Variants in CCDC85A observed in about 807,000 individuals in gnomAD.
CCDC85A encodes coiled-coil domain containing 85A.
A neutral mutation model predicts 50.2 loss-of-function variants in CCDC85A; 38 were observed. The observed-to-expected ratio is 0.76, with a 90% CI of 0.58 to 0.99. CCDC85A has a LOEUF of 0.99. CCDC85A is among the 50% of genes least tolerant of loss of function. The probability of loss-of-function intolerance (pLI) is 0.00; values close to 1 mark genes in which losing one functional copy is unlikely to be tolerated. For synonymous variants in CCDC85A, 366 were observed against 301.4 expected, an observed-to-expected ratio of 1.21 and a Z score of -2.22; for missense variants, 820 against 742.0, an observed-to-expected ratio of 1.11 and a Z score of -1.22.
At chr2:56,372,554 T>C (rs1573364020) in intron 4 of CCDC85A, 76 bp downstream of exon 4, 2 of 1,369,990 alleles carry the variant, frequency 1.5e-6, no homozygotes, top group African/African-American at 1.5e-5. Context: ...GAAAAAGTTA[T>C]ACTGGGGGGT....
intron 2 of CCDC85A, among the ~76,000 whole-genome samples, chr2:56,337,877 C>T (rs1008510695): frequency 4.6e-5 from 7 of 151,896 alleles, no homozygotes; most frequent in Non-Finnish European, 1.0e-4. Context: ...CTCCGCCTCC[C>T]GGGTTCAAGC....
At chr2:56,297,387 A>T (rs982268336) in intron 2 of CCDC85A, among the ~76,000 whole-genome samples, 37 of 140,728 alleles carry the variant, frequency 2.6e-4, no homozygotes, top group Admixed American at 7.2e-4. Context: ...TAGTCTTTGT[A>T]CGAGCCTTTT....
rs907070809 is a variant in CCDC85A, at chr2:56,192,046, G to C, written c.277-431G>C. Among the ~76,000 whole-genome samples the C allele has an allele frequency of 2.0e-5, 3 of 152,156 alleles. No homozygotes were observed. The highest frequency in any genetic ancestry group is 1.3e-4 in the Admixed American group (2 of 15,272). ...CTGGTTGCTCCCTAACTACTGACCA[G>C]ATGAACTTGGACAAGTGAAGCTTTG... On this transcript the variant is annotated intron_variant, in intron 1 of 5. Transcript: ENST00000407595. This position sits in a 1 kb window ranked among gnomAD's most constrained non-coding sequence, Gnocchi z 4.7.
chr2:56,208,798 AG>A (rs1677060521), intron 2 of CCDC85A, among the ~76,000 whole-genome samples: 1 of 152,140 alleles, frequency 6.6e-6, no homozygotes, highest in African/African-American at 2.4e-5. Flanking sequence ...GATTTGTCTC[AG>A]GATGTTTCAT....
At chr2:56,339,898 T>C (rs1674272349) in intron 2 of CCDC85A, among the ~76,000 whole-genome samples, 1 of 152,230 alleles carries the variant, frequency 6.6e-6, no homozygotes, top group South Asian at 2.1e-4. Flanking sequence ...TTATGCTGCA[T>C]ACTTTTCCCC....
intron 2 of CCDC85A, among the ~76,000 whole-genome samples, chr2:56,242,551 C>G (rs1669308227): frequency 6.6e-6 from 1 of 152,116 alleles, no homozygotes; most frequent in African/African-American, 2.4e-5. Context: ...AAGGGAATGG[C>G]CTAAGCAATT....
chr2:56,264,477 C>T (rs1351546975), intron 2 of CCDC85A, among the ~76,000 whole-genome samples: 3 of 152,114 alleles, frequency 2.0e-5, no homozygotes, highest in African/African-American at 7.2e-5. Context: ...CCTGCAAATC[C>T]TTTCAGCTCT....
At chr2:56,319,767 G>A (rs1558639047) in intron 2 of CCDC85A, among the ~76,000 whole-genome samples, 2 of 152,044 alleles carry the variant, frequency 1.3e-5, no homozygotes, top group Non-Finnish European at 2.9e-5. Context: ...CCTGTGTAAT[G>A]TCTTGGAAAT....
chr2:56,326,268 A>G (rs114413862), intron 2 of CCDC85A, among the ~76,000 whole-genome samples: 1,899 of 152,260 alleles, frequency 0.012, 50 homozygotes, highest in African/African-American at 0.042. Context: ...AGGGATAAGA[A>G]TATTTGCCTC....
intron 5 of CCDC85A, among the ~76,000 whole-genome samples, chr2:56,377,753 T>C (rs1299666825): frequency 6.6e-6 from 1 of 152,032 alleles, no homozygotes; most frequent in Non-Finnish European, 1.5e-5. Context: ...CAGGGTGTGG[T>C]GGCAGGCACC....
intron 3 of CCDC85A, among the ~76,000 whole-genome samples, chr2:56,361,186 G>A (rs925397475): frequency 5.9e-5 from 9 of 152,054 alleles, no homozygotes; most frequent in Non-Finnish European, 1.3e-4. Flanking sequence ...CCCAGGAGGC[G>A]GAGCTTGCAG....
At position 56,184,777 on chromosome 2, in the gene CCDC85A, G is replaced by A. The variant is rs772974236; in HGVS notation, c.153G>A (p.Glu51=). 2 of 1,546,630 alleles carry A rather than the reference G, an allele frequency of 1.3e-6. No individual in the cohort carries two copies. The highest frequency in any genetic ancestry group is 3.9e-5 in the Admixed American group (2 of 50,942). ...DEELLQWSKE[E]LIRSLRRAEA... ...AGCTGCTGCAGTGGAGCAAGGAGGAGCTGATCCGCAGCCTGCGGCGCGCCG... is the reference window on the plus strand; with the variant it reads ...AGCTGCTGCAGTGGAGCAAGGAGGAACTGATCCGCAGCCTGCGGCGCGCCG... Residue 51 remains glutamate (E), a synonymous_variant, in exon 1 of 6, where the codon GAG becomes GAA. Transcript: ENST00000407595.
At chr2:56,326,757 G>A (rs1673492567) in intron 2 of CCDC85A, among the ~76,000 whole-genome samples, 1 of 151,906 alleles carries the variant, frequency 6.6e-6, no homozygotes, top group Admixed American at 6.6e-5. Flanking sequence ...ATAACTTTTT[G>A]ACTGTTTTTC....
At chr2:56,358,170 G>A (rs1335753986) in intron 3 of CCDC85A, among the ~76,000 whole-genome samples, 1 of 152,110 alleles carries the variant, frequency 6.6e-6, no homozygotes, top group African/African-American at 2.4e-5. Context: ...ACCACCATCA[G>A]CCAAAACAAA....
chr2:56,193,319 A>G lies in CCDC85A; in HGVS notation c.1119A>G (p.Lys373=). The G allele has an allele frequency of 6.2e-7, 1 of 1,613,506 alleles. No individual in the cohort carries two copies. The highest frequency in any genetic ancestry group is 8.5e-7 in the Non-Finnish European group (1 of 1,179,668). The change falls in exon 2 of 6, where the codon AAA becomes AAG. Residue 373 remains lysine, a synonymous_variant. Coordinates refer to ENST00000407595, the MANE Select transcript of CCDC85A (RefSeq NM_001080433.2). ...KQHYGGSPDH[K]HGGGSGGSGG... ...ATTATGGAGGGAGCCCTGATCACAA[A>G]CACGGAGGAGGCAGTGGAGGAAGTG...
At chr2:56,375,682 C>T (rs1233996894) in intron 4 of CCDC85A, 134 bp from the exon 5 acceptor site, 1 of 821,334 alleles carries the variant, frequency 1.2e-6, no homozygotes, top group Non-Finnish European at 2.0e-6. Context: ...AGATTGATAG[C>T]ATTGTAGACT....
At chr2:56,270,514 T>A (rs1670651387) in intron 2 of CCDC85A, among the ~76,000 whole-genome samples, 1 of 152,222 alleles carries the variant, frequency 6.6e-6, no homozygotes, top group Non-Finnish European at 1.5e-5. Context: ...TGTAGGTATC[T>A]GCTATATTAT....
intron 2 of CCDC85A, among the ~76,000 whole-genome samples, chr2:56,277,367 C>G (rs76360386): frequency 6.6e-6 from 1 of 152,106 alleles, no homozygotes; most frequent in African/African-American, 2.4e-5. Flanking sequence ...CCAAAACGTC[C>G]TTCATTTTCT....
At chr2:56,347,613 C>T (rs6736091) in intron 3 of CCDC85A, among the ~76,000 whole-genome samples, 63,628 of 151,970 alleles carry the variant, frequency 0.42, 15,102 homozygotes, top group African/African-American at 0.66. Flanking sequence ...TACTTGAAAA[C>T]CATAAAGGTT....
Sources: allele counts gnomAD v4.1 joint callset (sites outside exome capture counted in the v4.1 genomes callset), GRCh38; gene constraint gnomAD v4.1.1; non-coding constraint Gnocchi (gnomAD v3.1); transcripts MANE v1.5; gene names NCBI Gene and HGNC (gene_info 2026-07-23, HGNC 2026-07-21).